The following MAGI1 variants were observed in gnomAD, a reference collection of about 807,000 sequenced individuals.
MAGI1 encodes the protein membrane-associated guanylate kinase, WW and PDZ domain-containing protein 1.
MAGI1 carries 58 observed loss-of-function variants against 139.9 expected under a neutral mutation model. The ratio of observed to expected loss-of-function variants is 0.41; its 90% CI spans 0.34 to 0.52. The LOEUF is 0.52. Ranked by LOEUF, MAGI1 falls within the 20% of genes least tolerant of loss-of-function variation. The pLI, the probability that MAGI1 is intolerant of heterozygous loss-of-function variation, is 0.12. For missense variants in MAGI1, 1,874 were observed against 1,901.6 expected (o/e 0.99, Z 0.27); for synonymous variants, 812 against 737.9 (o/e 1.10, Z -1.63).
intron 12 of MAGI1, 34 bp from the exon 13 acceptor site, chr3:65,401,504 A>T: frequency 1.9e-6 from 3 of 1,607,472 alleles, no homozygotes; most frequent in Non-Finnish European, 2.5e-6. Context: ...GGAGGGGGGA[A>T]GAAATCATTA....
intron 2 of MAGI1, among the ~76,000 whole-genome samples, chr3:65,610,729 A>T (rs2083006282): frequency 7.6e-6 from 1 of 131,118 alleles, no homozygotes; most frequent in Non-Finnish European, 1.6e-5. Context: ...TTTAGGTACA[A>T]ATATAGTATA....
intron 1 of MAGI1, among the ~76,000 whole-genome samples, chr3:65,768,076 G>A (rs1410271379): frequency 1.3e-5 from 2 of 152,120 alleles, no homozygotes; most frequent in Middle Eastern, 3.2e-3. Flanking sequence ...AACCAAAATA[G>A]GCAAGCATTC....
At position 66,029,325 on chromosome 3, in the gene MAGI1, T is replaced by C. The variant is rs578110152; in HGVS notation, c.313+8671A>G. ...CCTTTTAATTGCACCATCATGCCCC[T>C]GTCCATAAAGAGAGCCTCGAGTCTT... is the stretch of plus-strand genomic sequence containing the variant. On this transcript the variant is annotated intron_variant, in intron 1 of 22. Transcript: ENST00000402939. Among the ~76,000 whole-genome samples, 22 of 152,322 alleles carry C rather than the reference T, an allele frequency of 1.4e-4. No individual in the cohort carries two copies. In the South Asian group the frequency reaches 4.6e-3, roughly 32 times the overall value.
rs555310553 is a variant in MAGI1 at position 65,731,488 on chromosome 3, TA to T, written c.314-109401del. ...GGCAACACAGTGAAGCCCTATCTCT[TA>T]AAAAAAAAAAAAAAAATTAGCTGAG... On this transcript the variant is annotated intron_variant, in intron 1 of 22. Transcript: ENST00000402939. 4.0e-3 allele frequency among the ~76,000 whole-genome samples: 542 copies of T among 135,858 alleles called. 1 individual carries two copies. The highest frequency in any genetic ancestry group is 7.4e-3 in the Middle Eastern group (2 of 270). The allele number at this position is 135,858 out of a possible 152,430, so 89.1% of individuals were successfully genotyped here.
intron 1 of MAGI1, among the ~76,000 whole-genome samples, chr3:65,743,397 C>CTCA (rs2035434957): frequency 1.3e-5 from 2 of 152,092 alleles, no homozygotes; most frequent in Admixed American, 1.3e-4. Flanking sequence ...TGAAGCAGTC[C>CTCA]TCATCTCTGC....
chr3:65,885,349 A>G (rs570475414), intron 1 of MAGI1, among the ~76,000 whole-genome samples: 3 of 151,920 alleles, frequency 2.0e-5, no homozygotes, highest in Admixed American at 6.6e-5. Flanking sequence ...GTGAGCTGAG[A>G]TTGTGCCACT....
intron 1 of MAGI1, among the ~76,000 whole-genome samples, chr3:66,001,495 T>A (rs1328509240): frequency 6.6e-6 from 1 of 152,138 alleles, no homozygotes; most frequent in Non-Finnish European, 1.5e-5. Context: ...AATAAAAATC[T>A]AAAATGTAAA....
chr3:65,597,915 GAGGC>G, intron 2 of MAGI1: 4 of 413,274 alleles, frequency 9.7e-6, no homozygotes, highest in South Asian at 3.2e-5. Context: ...GCTGTAAAGA[GAGGC>G]GGGGGTGGGG....
intron 1 of MAGI1, among the ~76,000 whole-genome samples, chr3:65,815,295 C>T (rs539976778): frequency 2.6e-5 from 4 of 152,298 alleles, no homozygotes; most frequent in African/African-American, 7.2e-5. Flanking sequence ...CTTTAAAGAA[C>T]GAAGCACTAC....
rs6762046 is a variant in MAGI1 at position 65,790,727 on chromosome 3, G to A, written c.314-168639C>T. On this transcript the variant is annotated intron_variant, in intron 1 of 22. Transcript: ENST00000402939. Reference sequence around the variant, plus strand: ...CATTTCAGCTAACAACCTCAGCCTCGCGGGGGAACATGCTTGTGCTTTTCG... The same window carrying A: ...CATTTCAGCTAACAACCTCAGCCTCACGGGGGAACATGCTTGTGCTTTTCG... Among the ~76,000 whole-genome samples, 932 of 152,278 alleles carry A rather than the reference G, an allele frequency of 6.1e-3. 11 individuals are homozygous for A. The highest frequency in any genetic ancestry group is 0.021 in the African/African-American group (873 of 41,550).
chr3:65,991,557 C>T (rs1166635432), intron 1 of MAGI1, among the ~76,000 whole-genome samples: 1 of 152,120 alleles, frequency 6.6e-6, no homozygotes, highest in Non-Finnish European at 1.5e-5. Context: ...TGAGCTAATG[C>T]AAGCAGACTA....
intron 3 of MAGI1, among the ~76,000 whole-genome samples, chr3:65,482,514 T>C (rs1488731275): frequency 6.6e-6 from 1 of 152,202 alleles, no homozygotes; most frequent in East Asian, 1.9e-4. Flanking sequence ...ACTTTCTCTG[T>C]GAAATGGGAA....
intron 1 of MAGI1, among the ~76,000 whole-genome samples, chr3:65,915,769 T>A (rs561631977): frequency 6.6e-6 from 1 of 152,064 alleles, no homozygotes; most frequent in South Asian, 2.1e-4. Flanking sequence ...AGGTAACTAA[T>A]GGCATTTTAT....
chr3:65,859,300 A>T (rs1294136465), intron 1 of MAGI1, among the ~76,000 whole-genome samples: 1 of 152,054 alleles, frequency 6.6e-6, no homozygotes, highest in Non-Finnish European at 1.5e-5. Context: ...TCTACAAAAA[A>T]AAAAGAGCTA....
chr3:65,863,445 A>T (rs2108451719), intron 1 of MAGI1, among the ~76,000 whole-genome samples: 1 of 152,328 alleles, frequency 6.6e-6, no homozygotes, highest in African/African-American at 2.4e-5. Context: ...GTAAATTTAA[A>T]ATCATAAAGA....
intron 2 of MAGI1, among the ~76,000 whole-genome samples, chr3:65,576,571 G>T (rs142810008): frequency 6.6e-6 from 1 of 152,264 alleles, no homozygotes; most frequent in African/African-American, 2.4e-5. Context: ...CTTTTTGCCA[G>T]GCTGTCTCTG....
At chr3:65,538,463 G>C (rs1286682820) in intron 2 of MAGI1, among the ~76,000 whole-genome samples, 1 of 152,090 alleles carries the variant, frequency 6.6e-6, no homozygotes, top group East Asian at 1.9e-4. Flanking sequence ...TTTCTCATGT[G>C]TTCAGCATTT....
chr3:65,995,002 G>C (rs545842075), intron 1 of MAGI1, among the ~76,000 whole-genome samples: 92 of 152,260 alleles, frequency 6.0e-4, no homozygotes, highest in African/African-American at 2.2e-3. Context: ...AAAGGGTTAA[G>C]TGGTCAGGTG....
chr3:65,643,218 T>A (rs957825009), intron 1 of MAGI1, among the ~76,000 whole-genome samples: 1 of 152,168 alleles, frequency 6.6e-6, no homozygotes, highest in Non-Finnish European at 1.5e-5. Flanking sequence ...TCAGGGTCCC[T>A]TAGAAGAGCT....
Sources: gnomAD v4.1 joint callset for allele counts (sites outside exome capture counted in the v4.1 genomes callset) on GRCh38, gnomAD v4.1.1 for gene constraint, MANE v1.5 for transcripts, NCBI Gene and HGNC (gene_info 2026-07-23, HGNC 2026-07-21) for gene names.